Variants in BLTP2 observed in about 807,000 individuals in gnomAD.
BLTP2 encodes the protein bridge-like lipid transfer protein family member 2.
At chr17:28,641,853 C>T in the BLTP2 span, 2 of 1,567,058 alleles carry the variant, frequency 1.3e-6, no homozygotes, top group Non-Finnish European at 1.7e-6. Flanking sequence ...ACCCTGAGAA[C>T]AAGGCAGCCA....
chr17:28,628,145 A>G, the BLTP2 span: 1 of 864,542 alleles, frequency 1.2e-6, no homozygotes, highest in Non-Finnish European at 1.8e-6. Context: ...AAGGAAAAAT[A>G]ATAGTTTCAC....
chr17:28,619,816 T>C, the BLTP2 span: 1 of 1,613,660 alleles, frequency 6.2e-7, no homozygotes, highest in Non-Finnish European at 8.5e-7. Context: ...GCCCTCGTTC[T>C]AGGAGACTTC....
chr17:28,622,511 G>A, the BLTP2 span, among the ~76,000 whole-genome samples: 3 of 152,148 alleles, frequency 2.0e-5, no homozygotes, highest in Non-Finnish European at 4.4e-5. Context: ...GCTAAATCCT[G>A]TAACTCATAT....
chr17:28,635,533 G>C, the BLTP2 span: 1 of 1,614,154 alleles, frequency 6.2e-7, no homozygotes, highest in Non-Finnish European at 8.5e-7. Flanking sequence ...GCACTGTAGA[G>C]TGGCCAGGAC....
At chr17:28,635,449 G>C in the BLTP2 span, 20 of 1,614,194 alleles carry the variant, frequency 1.2e-5, no homozygotes, top group South Asian at 1.9e-4. Flanking sequence ...TTCTAGCTCA[G>C]AAGTAGTTCC....
chr17:28,644,969 G>GCCGC, the BLTP2 span: 1 of 1,560,614 alleles, frequency 6.4e-7, no homozygotes, highest in Non-Finnish European at 8.7e-7. Context: ...GCCGCCGCCG[G>GCCGC]CGCGGCCGGG....
the BLTP2 span, chr17:28,643,090 A>G: frequency 3.1e-6 from 5 of 1,596,468 alleles, no homozygotes; most frequent in Admixed American, 3.4e-5. Flanking sequence ...CCCTAAAAAC[A>G]GAAAAATCTA....
At chr17:28,640,548 G>A in the BLTP2 span, 16 of 1,613,836 alleles carry the variant, frequency 9.9e-6, no homozygotes, top group Middle Eastern at 1.6e-4. Context: ...TCTGTGTCAG[G>A]AGAGACCTCA....
At chr17:28,631,915 T>C in the BLTP2 span, 6 of 1,614,066 alleles carry the variant, frequency 3.7e-6, no homozygotes, top group Non-Finnish European at 5.1e-6. Flanking sequence ...GGCCCAATAA[T>C]GTACCTGGCA....
At chr17:28,641,384 G>A in the BLTP2 span, among the ~76,000 whole-genome samples, 1 of 152,220 alleles carries the variant, frequency 6.6e-6, no homozygotes, top group Non-Finnish European at 1.5e-5. Context: ...GCTCACGCCT[G>A]TAATCCCAGC....
the BLTP2 span, chr17:28,645,067 G>A: frequency 1.3e-6 from 2 of 1,586,078 alleles, no homozygotes; most frequent in Non-Finnish European, 1.7e-6. Context: ...TTAGGTCCGG[G>A]TCCGGCCCGG....
the BLTP2 span, chr17:28,642,441 G>A: frequency 8.1e-6 from 7 of 868,206 alleles, no homozygotes; most frequent in Non-Finnish European, 1.4e-5. Flanking sequence ...CATGAGGTCA[G>A]GAGATCAAGA....
chr17:28,622,495 G>C, the BLTP2 span, among the ~76,000 whole-genome samples: 9 of 152,164 alleles, frequency 5.9e-5, no homozygotes, highest in African/African-American at 2.2e-4. Context: ...GTCCTTACCA[G>C]ATACAGCTAA....
At chr17:28,634,960 T>A in the BLTP2 span, 2 of 1,613,678 alleles carry the variant, frequency 1.2e-6, no homozygotes, top group Admixed American at 3.3e-5. Context: ...CCATGAGAAG[T>A]GCTCAACCTT....
the BLTP2 span, chr17:28,628,240 A>G: frequency 1.4e-4 from 220 of 1,609,242 alleles, no homozygotes; most frequent in Non-Finnish European, 1.7e-4. Context: ...CCCAAACCCA[A>G]AAAGTCTCAT....
chr17:28,617,168 G>T, the BLTP2 span: 1 of 1,380,784 alleles, frequency 7.2e-7, no homozygotes, highest in Non-Finnish European at 1.0e-6. Flanking sequence ...ATACTGAAGG[G>T]CCGTTATAAA....
chr17:28,631,326 A>C, the BLTP2 span, among the ~76,000 whole-genome samples: 1 of 152,234 alleles, frequency 6.6e-6, no homozygotes, highest in South Asian at 2.1e-4. Context: ...CCATGCGGGC[A>C]CCGTGATCTT....
chr17:28,636,176 G>A, the BLTP2 span, among the ~76,000 whole-genome samples: 1 of 152,236 alleles, frequency 6.6e-6, no homozygotes, highest in Admixed American at 6.5e-5. Context: ...TAAGTGGACA[G>A]AGAAAAGTAA....
the BLTP2 span, among the ~76,000 whole-genome samples, chr17:28,622,077 A>C: frequency 2.0e-5 from 3 of 152,172 alleles, no homozygotes; most frequent in Non-Finnish European, 4.4e-5. Flanking sequence ...CTCTAATGCT[A>C]GTATCGCAGC....
Sources: gnomAD v4.1 joint callset for allele counts (sites outside exome capture counted in the v4.1 genomes callset) on GRCh38, gnomAD v4.1.1 for gene constraint, MANE v1.5 for transcripts, NCBI Gene and HGNC (gene_info 2026-07-23, HGNC 2026-07-21) for gene names.